Variants in PIK3C2G observed in about 807,000 individuals in gnomAD.
PIK3C2G encodes phosphatidylinositol 3-kinase C2 domain-containing subunit gamma.
PIK3C2G carries 168 observed loss-of-function variants against 181.1 expected under a neutral mutation model. The observed-to-expected ratio is 0.93, with a 90% CI of 0.82 to 1.05. PIK3C2G has a LOEUF of 1.05. Among genes scored for constraint, PIK3C2G ranks in the 50% least tolerant of loss-of-function variants. PIK3C2G has a pLI of 0.00. For synonymous variants in PIK3C2G, 573 were observed against 592.2 expected (o/e 0.97, Z 0.47); for missense variants, 1,869 against 1,732.8 (o/e 1.08, Z -1.40).
At chr12:18,316,797 A>G (rs1181782864) in intron 6 of PIK3C2G, among the ~76,000 whole-genome samples, 2 of 151,972 alleles carry the variant, frequency 1.3e-5, no homozygotes, top group Non-Finnish European at 2.9e-5. Context: ...GTATATTTGT[A>G]TATCCTCCAT....
At chr12:18,391,088 T>C in intron 14 of PIK3C2G, 34 bp from the exon 15 acceptor site, 1 of 1,563,104 alleles carries the variant, frequency 6.4e-7, no homozygotes, top group Non-Finnish European at 8.7e-7. Flanking sequence ...TTGAGACACC[T>C]TCAACACATG....
chr12:18,616,649 G>C (rs1333851028), intron 31 of PIK3C2G, among the ~76,000 whole-genome samples: 2 of 151,964 alleles, frequency 1.3e-5, no homozygotes, highest in African/African-American at 4.8e-5. Context: ...TTCTCTCTCT[G>C]TTCTTTTCTG....
At chr12:18,384,297 T>C (rs1028009740) in intron 14 of PIK3C2G, among the ~76,000 whole-genome samples, 5 of 152,148 alleles carry the variant, frequency 3.3e-5, no homozygotes, top group African/African-American at 9.7e-5. Flanking sequence ...CCTGAGTTCA[T>C]AGCAATATCT....
chr12:18,634,778 C>T (rs1354048955), intron 31 of PIK3C2G, among the ~76,000 whole-genome samples: 1 of 152,180 alleles, frequency 6.6e-6, no homozygotes, highest in Non-Finnish European at 1.5e-5. Flanking sequence ...TGAGTATCCA[C>T]AGAATGGCTC....
intron 18 of PIK3C2G, among the ~76,000 whole-genome samples, chr12:18,455,258 T>G (rs60049747): frequency 0.032 from 4,894 of 152,104 alleles, 219 homozygotes; most frequent in African/African-American, 0.11. Flanking sequence ...GGCAAGAGTT[T>G]TACACAAAGA....
intron 16 of PIK3C2G, among the ~76,000 whole-genome samples, chr12:18,409,837 T>C (rs1161639689): frequency 6.6e-6 from 1 of 152,086 alleles, no homozygotes; most frequent in Admixed American, 6.6e-5. Context: ...ACAGGAAGCA[T>C]GGTTGGGGAG....
At chr12:18,420,099 AT>A (rs1945396821) in intron 16 of PIK3C2G, among the ~76,000 whole-genome samples, 1 of 152,020 alleles carries the variant, frequency 6.6e-6, no homozygotes, top group African/African-American at 2.4e-5. Flanking sequence ...ATGCTTGTTA[AT>A]TTTTTTCTAA....
chr12:18,646,008 C>T (rs539948343), intron 32 of PIK3C2G, among the ~76,000 whole-genome samples: 9 of 152,074 alleles, frequency 5.9e-5, no homozygotes, highest in Admixed American at 2.6e-4. Context: ...CTCAAAATAC[C>T]CACTTAGAGA....
the PIK3C2G span, among the ~76,000 whole-genome samples, chr12:18,661,126 T>A: frequency 3.9e-5 from 6 of 151,928 alleles, no homozygotes; most frequent in African/African-American, 1.5e-4. Context: ...GCAATAAAGA[T>A]TTAAGAAAAG....
chr12:18,461,743 C>A (rs140449946), intron 18 of PIK3C2G, among the ~76,000 whole-genome samples: 1 of 152,170 alleles, frequency 6.6e-6, no homozygotes, highest in African/African-American at 2.4e-5. Flanking sequence ...CATCTGTGAA[C>A]CAGAAGCAGG....
At chr12:18,363,211 C>T in intron 12 of PIK3C2G, 1 of 162,008 alleles carries the variant, frequency 6.2e-6, no homozygotes, top group Non-Finnish European at 1.3e-5. Context: ...TGGAGGGAGT[C>T]CAGGTGTAAC....
chr12:18,248,515 G>C (rs920188041), intron 1 of PIK3C2G, among the ~76,000 whole-genome samples: 2 of 152,144 alleles, frequency 1.3e-5, no homozygotes, highest in African/African-American at 4.8e-5. Context: ...AGCCTGCAGT[G>C]AGCCGAGATC....
At chr12:18,592,412 G>A (rs1356873959) in intron 29 of PIK3C2G, among the ~76,000 whole-genome samples, 1 of 151,858 alleles carries the variant, frequency 6.6e-6, no homozygotes, top group Admixed American at 6.6e-5. Context: ...CACTAAAAAT[G>A]GAATAGCTAT....
At chr12:18,559,813 TATATATATAGAGAG>T (rs1320103828) in intron 26 of PIK3C2G, among the ~76,000 whole-genome samples, 37 of 27,930 alleles carry the variant, frequency 1.3e-3, no homozygotes, top group Non-Finnish European at 1.8e-3. Flanking sequence ...TATATATATA[TATATATATAGAGAG>T]AGAGAGAGAG....
chr12:18,620,466 T>G (rs2136661479), intron 31 of PIK3C2G, among the ~76,000 whole-genome samples: 1 of 152,260 alleles, frequency 6.6e-6, no homozygotes, highest in African/African-American at 2.4e-5. Context: ...AACCTATTTG[T>G]GTCTTTACAT....
chr12:18,410,112 G>A (rs1474695910), intron 16 of PIK3C2G, among the ~76,000 whole-genome samples: 2 of 152,034 alleles, frequency 1.3e-5, no homozygotes, highest in Admixed American at 1.3e-4. Context: ...CCATATCAAG[G>A]CTCAGTTCTA....
chr12:18,551,165 C>G (rs1944709760), intron 26 of PIK3C2G, among the ~76,000 whole-genome samples: 1 of 152,046 alleles, frequency 6.6e-6, no homozygotes, highest in Non-Finnish European at 1.5e-5. Flanking sequence ...CTCTGTTTCC[C>G]TTACTCTCTT....
the PIK3C2G span, chr12:18,695,021 C>T: frequency 3.1e-6 from 5 of 1,612,656 alleles, no homozygotes; most frequent in Non-Finnish European, 4.2e-6. Flanking sequence ...CACCATTATC[C>T]AAAAATTTCC....
At chr12:18,318,276 T>A (rs1166389282) in intron 6 of PIK3C2G, among the ~76,000 whole-genome samples, 2 of 152,110 alleles carry the variant, frequency 1.3e-5, no homozygotes, top group African/African-American at 4.8e-5. Flanking sequence ...AGTAAACTGG[T>A]TTGGTTTTGA....
Sources: gnomAD v4.1 joint callset for allele counts (sites outside exome capture counted in the v4.1 genomes callset) on GRCh38, gnomAD v4.1.1 for gene constraint, MANE v1.5 for transcripts, NCBI Gene and HGNC (gene_info 2026-07-23, HGNC 2026-07-21) for gene names.